The following ATP2B2 variants were observed in gnomAD, a reference collection of about 807,000 sequenced individuals.
ATP2B2 encodes the protein plasma membrane calcium-transporting ATPase 2.
Under a neutral mutation model 120.0 loss-of-function variants are expected in ATP2B2, and 15 were observed. The ratio of observed to expected loss-of-function variants is 0.12; its 90% CI spans 0.08 to 0.19. ATP2B2 has a LOEUF of 0.19. Among genes scored for constraint, ATP2B2 ranks in the 10% least tolerant of loss-of-function variants. The pLI, the probability that ATP2B2 is intolerant of heterozygous loss-of-function variation, is 1.00. For missense variants in ATP2B2, 1,045 were observed against 1,719.8 expected, an observed-to-expected ratio of 0.61 and a Z score of 6.94; for synonymous variants, 694 against 700.3, an observed-to-expected ratio of 0.99 and a Z score of 0.14.
intron 2 of ATP2B2, among the ~76,000 whole-genome samples, chr3:10,560,413 C>T (rs945496627): frequency 1.3e-5 from 2 of 152,188 alleles, no homozygotes; most frequent in Non-Finnish European, 2.9e-5. Flanking sequence ...AATCAGAACA[C>T]CAAAGGAACA....
chr3:10,623,594 T>G (rs931366343), intron 1 of ATP2B2, among the ~76,000 whole-genome samples: 4 of 152,222 alleles, frequency 2.6e-5, no homozygotes, highest in African/African-American at 9.6e-5. Context: ...CTTCGAAAGT[T>G]CAGGGACTAA....
In ATP2B2 at chr3:10,328,571, G is replaced by GCTCA; in HGVS notation, c.*239_*242dup. On this transcript the variant is annotated 3_prime_UTR_variant, in exon 23 of 23. Coordinates refer to ENST00000360273, the MANE Select transcript of ATP2B2 (RefSeq NM_001001331.4). ...AGGAAGGGCTTGTTTTGGGAAAACCGCTCACTCCCGTAAGCCCCCAGTGGA... is the reference window on the plus strand; with the variant it reads ...AGGAAGGGCTTGTTTTGGGAAAACCGCTCACTCACTCCCGTAAGCCCCCAGTGGA... 1 of 526,486 alleles carries GCTCA rather than the reference G, an allele frequency of 1.9e-6. No homozygotes were observed. The allele number at this position is 526,486 out of a possible 1,614,324, so 32.6% of individuals were successfully genotyped here. A position where few individuals can be genotyped will look rare whatever the true frequency, so the allele number is the denominator to read the frequency against.
intron 2 of ATP2B2, among the ~76,000 whole-genome samples, chr3:10,442,595 A>T (rs2063705556): frequency 6.6e-6 from 1 of 152,054 alleles, no homozygotes; most frequent in Non-Finnish European, 1.5e-5. Context: ...CTTTTGAAGG[A>T]TTTTTTTTAC....
chr3:10,471,754 T>C (rs569491531), intron 1 of ATP2B2, among the ~76,000 whole-genome samples: 1 of 152,250 alleles, frequency 6.6e-6, no homozygotes, highest in East Asian at 1.9e-4. Flanking sequence ...TTGTCCCCCA[T>C]AAATGTATAC....
At chr3:10,593,009 C>G (rs917966028) in intron 2 of ATP2B2, among the ~76,000 whole-genome samples, 10 of 152,218 alleles carry the variant, frequency 6.6e-5, no homozygotes, top group African/African-American at 2.4e-4. Context: ...TTGTCCCAAA[C>G]TTCTGGGCTC....
chr3:10,455,697 G>A (rs1442756165), intron 1 of ATP2B2, among the ~76,000 whole-genome samples: 3 of 152,194 alleles, frequency 2.0e-5, no homozygotes, highest in African/African-American at 7.2e-5. Flanking sequence ...ACACAGGCCT[G>A]GACAGGGCAT....
chr3:10,704,330 G>C (rs1177664730), intron 1 of ATP2B2, among the ~76,000 whole-genome samples: 1 of 152,176 alleles, frequency 6.6e-6, no homozygotes, highest in African/African-American at 2.4e-5. Flanking sequence ...AACCATGCTA[G>C]TTTCTCTTCT....
chr3:10,337,944 C>T (rs1028775522), intron 22 of ATP2B2, among the ~76,000 whole-genome samples: 7 of 152,196 alleles, frequency 4.6e-5, no homozygotes, highest in Non-Finnish European at 8.8e-5. Flanking sequence ...CTACCACTTC[C>T]CCGTGCTGCC....
At chr3:10,339,471 C>A (rs893689014) in intron 21 of ATP2B2, among the ~76,000 whole-genome samples, 7 of 152,200 alleles carry the variant, frequency 4.6e-5, no homozygotes, top group Admixed American at 4.6e-4. Context: ...TGGTTCTGGG[C>A]CCTCCTCCCA....
chr3:10,587,975 A>G (rs12629118), intron 2 of ATP2B2, among the ~76,000 whole-genome samples: 1 of 152,142 alleles, frequency 6.6e-6, no homozygotes, highest in Non-Finnish European at 1.5e-5. Context: ...GAGAATTTTT[A>G]AAAAAGAGGA....
intron 2 of ATP2B2, among the ~76,000 whole-genome samples, chr3:10,416,077 G>C (rs2062771198): frequency 6.6e-6 from 1 of 152,208 alleles, no homozygotes; most frequent in African/African-American, 2.4e-5. Flanking sequence ...TCTCTAAACT[G>C]TAAAGGCATG....
At chr3:10,630,022 C>T (rs1367776979) in intron 1 of ATP2B2, among the ~76,000 whole-genome samples, 1 of 152,204 alleles carries the variant, frequency 6.6e-6, no homozygotes, top group Non-Finnish European at 1.5e-5. Context: ...ACTGACCTCT[C>T]ACTGTCCGTC....
rs1361582486 is a variant in ATP2B2, at chr3:10,347,682, C to A, written c.2405-1545G>T. 1.3e-5 allele frequency among the ~76,000 whole-genome samples: 2 copies of A among 152,226 alleles called. No individual in the cohort carries two copies. The highest frequency in any genetic ancestry group is 2.9e-5 in the Non-Finnish European group (2 of 68,026). ...GAGTTTCCATAGTTCCCTCAGTCAG[C>A]CTGGGGGCTCCTCCAAGGCAGGGAC... On this transcript the variant is annotated intron_variant, in intron 16 of 22. Coordinates refer to ENST00000360273, the MANE Select transcript of ATP2B2 (RefSeq NM_001001331.4). This position sits in a 1 kb window ranked among gnomAD's most constrained non-coding sequence, Gnocchi z 5.2.
At chr3:10,639,600 A>G (rs1255325381) in intron 1 of ATP2B2, among the ~76,000 whole-genome samples, 1 of 152,192 alleles carries the variant, frequency 6.6e-6, no homozygotes, top group Non-Finnish European at 1.5e-5. Context: ...TGGGACTTCA[A>G]CATGGGAATT....
At chr3:10,367,086 G>A (rs896821043) in intron 12 of ATP2B2, among the ~76,000 whole-genome samples, 1 of 152,184 alleles carries the variant, frequency 6.6e-6, no homozygotes, top group Admixed American at 6.5e-5. Flanking sequence ...CTGAGCGCTG[G>A]GAGGAGAAAG....
At chr3:10,631,929 G>T (rs941213162) in intron 1 of ATP2B2, among the ~76,000 whole-genome samples, 1 of 152,202 alleles carries the variant, frequency 6.6e-6, no homozygotes, top group Non-Finnish European at 1.5e-5. Context: ...TACCAAAGAT[G>T]AACTATTGTT....
At chr3:10,701,655 GT>G (rs1439981580) in intron 1 of ATP2B2, among the ~76,000 whole-genome samples, 2 of 146,580 alleles carry the variant, frequency 1.4e-5, no homozygotes, top group African/African-American at 5.0e-5. Flanking sequence ...CATTTCTTTT[GT>G]TTGCAACTTA....
intron 1 of ATP2B2, among the ~76,000 whole-genome samples, chr3:10,700,979 T>G (rs900742153): frequency 1.3e-5 from 2 of 152,240 alleles, no homozygotes; most frequent in African/African-American, 4.8e-5. Context: ...GTAAGGCATG[T>G]GGCTATGACT....
At chr3:10,420,224 G>C (rs1332566489) in intron 2 of ATP2B2, among the ~76,000 whole-genome samples, 1 of 152,236 alleles carries the variant, frequency 6.6e-6, no homozygotes, top group Non-Finnish European at 1.5e-5. Context: ...CATCACTGCT[G>C]GGACTGTGGG....
Sources: gnomAD v4.1 joint callset for allele counts (sites outside exome capture counted in the v4.1 genomes callset) on GRCh38, gnomAD v4.1.1 for gene constraint, Gnocchi (gnomAD v3.1) non-coding constraint, MANE v1.5 for transcripts, NCBI Gene and HGNC (gene_info 2026-07-23, HGNC 2026-07-21) for gene names.